The following UPF2 variants were observed in gnomAD, a reference collection of about 807,000 sequenced individuals.
UPF2 encodes UPF2 regulator of nonsense mediated mRNA decay, also known as regulator of nonsense transcripts 2.
A neutral mutation model predicts 141.4 loss-of-function variants in UPF2; 17 were observed. That is an observed-to-expected ratio of 0.12 (90% CI 0.08 to 0.18). The LOEUF is 0.18. UPF2 is among the 10% of genes least tolerant of loss of function. UPF2 has a pLI of 1.00. For synonymous variants in UPF2, 540 were observed against 498.0 expected (o/e 1.08, Z -1.12); for missense variants, 1,152 against 1,515.9 (o/e 0.76, Z 3.99).
At chr10:12,038,715 G>A (rs559594654) in intron 1 of UPF2, among the ~76,000 whole-genome samples, 7 of 151,802 alleles carry the variant, frequency 4.6e-5, no homozygotes, top group African/African-American at 7.3e-5. Context: ...GGCAAAAGAC[G>A]GAGACTCCGT....
chr10:11,942,568 G>A, intron 18 of UPF2, 97 bp downstream of exon 18: 1 of 1,060,586 alleles, frequency 9.4e-7, no homozygotes, highest in Non-Finnish European at 1.4e-6. Context: ...CTGCAGAAGA[G>A]ACACTTAGAT....
At position 11,955,247 on chromosome 10, in the gene UPF2, G is replaced by A; in HGVS notation, c.2835C>T (p.Phe945=). 8 of 1,589,464 alleles carry A rather than the reference G, an allele frequency of 5.0e-6. No homozygotes were observed. The highest frequency in any genetic ancestry group is 6.9e-6 in the Non-Finnish European group (8 of 1,165,896). ...GCTTATATACCTGAAAATATACAAG[G>A]AAACAATCAAGTTTTCGTTTACTGG... ...RGSSKRKLDC[F]LVYFQRYVWW... is the part of the protein sequence containing the mutation. The change falls in exon 14 of 22, where the codon TTC becomes TTT. Residue 945 remains phenylalanine (F), a synonymous_variant. Coordinates refer to ENST00000357604, the MANE Select transcript of UPF2 (RefSeq NM_015542.4).
intron 21 of UPF2, among the ~76,000 whole-genome samples, chr10:11,926,700 A>T (rs1264525534): frequency 9.6e-6 from 1 of 104,146 alleles, no homozygotes; most frequent in Non-Finnish European, 2.1e-5. Flanking sequence ...AGGTGACAGG[A>T]GTCAATAATG....
At chr10:11,982,028 C>A (rs936510257) in intron 8 of UPF2, among the ~76,000 whole-genome samples, 1 of 86,452 alleles carries the variant, frequency 1.2e-5, no homozygotes, top group Non-Finnish European at 2.4e-5. Flanking sequence ...CCCTACTGTT[C>A]CTACTATTAA....
intron 7 of UPF2, among the ~76,000 whole-genome samples, 189 bp from the exon 8 acceptor site, chr10:11,997,946 A>G (rs1486186433): frequency 6.6e-6 from 1 of 152,230 alleles, no homozygotes; most frequent in Non-Finnish European, 1.5e-5. Context: ...CCAAGAGCCA[A>G]GAAAATTACT....
chr10:11,996,651 T>C (rs1283094135), intron 8 of UPF2, among the ~76,000 whole-genome samples: 1 of 152,242 alleles, frequency 6.6e-6, no homozygotes, highest in Non-Finnish European at 1.5e-5. Context: ...GCCTGAAGTA[T>C]GTAATTTTAC....
rs1423947947 is a variant in UPF2 at position 11,992,004 on chromosome 10, GGC to G, written c.1844+5666_1844+5667del. The stretch of plus-strand genomic sequence containing the variant: ...CTACTAAAAATACAAAAATTAGCTG[GGC>G]GTGGTGGCGGGCGCCTGTAATCCCA... On this transcript the variant is annotated intron_variant, in intron 8 of 21. Transcript: ENST00000357604. This position sits in a 1 kb window ranked among gnomAD's most constrained non-coding sequence, Gnocchi z 4.1. 1.4e-5 allele frequency among the ~76,000 whole-genome samples: 2 copies of G among 142,266 alleles called. No homozygotes were observed. The highest frequency in any genetic ancestry group is 1.6e-5 in the Non-Finnish European group (1 of 61,856). The allele number at this position is 142,266 out of a possible 152,430, so 93.3% of individuals were successfully genotyped here. A position where few individuals can be genotyped will look rare whatever the true frequency, so the allele number is the denominator to read the frequency against.
chr10:11,923,902 T>C (rs895020995), intron 21 of UPF2, among the ~76,000 whole-genome samples: 1 of 152,070 alleles, frequency 6.6e-6, no homozygotes, highest in African/African-American at 2.4e-5. Flanking sequence ...TAAAAAATAA[T>C]AATAAAAGAA....
At chr10:12,042,873 C>T (rs1834765319), upstream of UPF2, 1 of 152,124 alleles carries the variant, frequency 6.6e-6, no homozygotes, top group Non-Finnish European at 1.5e-5. The surrounding 1 kb of genome is among the most constrained non-coding windows in gnomAD (Gnocchi z 5.5). Context: ...CTCAGCTCCC[C>T]CTCCTCCCTC....
Position 11,956,362 on chromosome 10 carries a change from G to T in UPF2, c.2532C>A (p.His844Gln), listed in dbSNP as rs200041297. The T allele has an allele frequency of 9.0e-5, 145 of 1,613,952 alleles. No individual in the cohort carries two copies. The highest frequency in any genetic ancestry group is 4.9e-4 in the Middle Eastern group (3 of 6,084). Reference protein sequence around the residue: ...LVLYQEDVGIHVVDGVLEDIR... With the variant: ...LVLYQEDVGIQVVDGVLEDIR... ...TATCTTCTAACACTCCATCCACAAC[G>T]TGGATCCCAACATCCTCTTGGTAGA... Residue 844 changes from histidine (H) to glutamine (Q), a missense_variant, in exon 13 of 22, where the codon CAC becomes CAA. This residue lies in a region of UPF2 where 739 missense variants were observed against 1,032.2 expected (regional missense o/e 0.72). Coordinates refer to ENST00000357604, the MANE Select transcript of UPF2 (RefSeq NM_015542.4). This position sits in a 1 kb window ranked among gnomAD's most constrained non-coding sequence, Gnocchi z 4.2.
At chr10:11,933,479 T>C (rs1231775895) in intron 19 of UPF2, among the ~76,000 whole-genome samples, 7 of 152,182 alleles carry the variant, frequency 4.6e-5, no homozygotes, top group Non-Finnish European at 1.0e-4. Flanking sequence ...AGTAATAATA[T>C]ATCCTTAAAA....
chr10:11,987,821 T>A (rs1352198322), intron 8 of UPF2, among the ~76,000 whole-genome samples: 1 of 148,740 alleles, frequency 6.7e-6, no homozygotes, highest in Admixed American at 6.7e-5. Context: ...TGTTTTGAGA[T>A]TTTTTTTCAT....
intron 9 of UPF2, among the ~76,000 whole-genome samples, chr10:11,978,814 T>C (rs949387432): frequency 2.0e-5 from 3 of 152,132 alleles, no homozygotes; most frequent in African/African-American, 7.2e-5. Flanking sequence ...AAGCAAAAAG[T>C]GCTGTTCCCG....
intron 9 of UPF2, among the ~76,000 whole-genome samples, chr10:11,977,102 CA>C (rs1174074792): frequency 6.6e-6 from 1 of 152,050 alleles, no homozygotes; most frequent in Non-Finnish European, 1.5e-5. Context: ...TGGTCTCTGC[CA>C]GGGTGCTGCT....
Position 11,973,854 on chromosome 10 carries a change from T to A in UPF2, c.1953+5203A>T, listed in dbSNP as rs1024665694. 2.3e-4 allele frequency among the ~76,000 whole-genome samples: 35 copies of A among 152,288 alleles called. No individual in the cohort carries two copies. The South Asian group carries it at 6.2e-3, about 27-fold the overall frequency. ...ACTTTGTTCTTTTTGCTTAGGATTG[T>A]CTTGGCAATGCGGGCTCTTTTTTGG... On this transcript the variant is annotated intron_variant, in intron 9 of 21. Transcript: ENST00000357604.
chr10:12,019,554 T>C lies in UPF2; in HGVS notation c.1146-5370A>G, dbSNP rs1834281196. 6.6e-6 allele frequency among the ~76,000 whole-genome samples: 1 copy of C among 152,244 alleles called. No individual in the cohort carries two copies. On this transcript the variant is annotated intron_variant, in intron 3 of 21. Coordinates refer to ENST00000357604, the MANE Select transcript of UPF2 (RefSeq NM_015542.4). This position sits in a 1 kb window ranked among gnomAD's most constrained non-coding sequence, Gnocchi z 4.5. Reference sequence around the variant, plus strand: ...TATCATTGCACACTAGAGAGGTACTTGTCCCCTTTTACAGATATAAACAGT... The same window carrying C: ...TATCATTGCACACTAGAGAGGTACTCGTCCCCTTTTACAGATATAAACAGT...
Position 11,936,728 on chromosome 10 carries a change from A to C in UPF2, c.3379-16T>G, listed in dbSNP as rs1832856080. On this transcript the variant is annotated splice_polypyrimidine_tract_variant and intron_variant, in intron 18 of 21. Coordinates refer to ENST00000357604, the MANE Select transcript of UPF2 (RefSeq NM_015542.4). The surrounding 1 kb of genome is among the most constrained non-coding windows in gnomAD (Gnocchi z 6.6). ...CACTTCGTTGCTAAAAGAAATTAAA[A>C]AGGACATAATAAACACTCCAAGATA... 1.3e-6 allele frequency: 2 copies of C among 1,599,502 alleles called. No individual in the cohort carries two copies. Among genetic ancestry groups the C allele is most frequent in the African/African-American group, 2.7e-5 (2 of 74,342 alleles).
intron 16 of UPF2, among the ~76,000 whole-genome samples, chr10:11,945,444 G>A (rs1453365385): frequency 6.6e-6 from 1 of 152,142 alleles, no homozygotes; most frequent in Admixed American, 6.5e-5. Flanking sequence ...GGCGGTCATA[G>A]GAAACTGGTC....
At chr10:11,948,282 T>C in intron 16 of UPF2, 87 bp downstream of exon 16, 1 of 1,111,582 alleles carries the variant, frequency 9.0e-7, no homozygotes, top group Non-Finnish European at 1.2e-6. Context: ...CAGGAGGAGG[T>C]CTTATGTATT....
Sources: allele counts gnomAD v4.1 joint callset (sites outside exome capture counted in the v4.1 genomes callset), GRCh38; gene constraint gnomAD v4.1.1; regional missense constraint gnomAD v4.1.1; non-coding constraint Gnocchi (gnomAD v3.1); transcripts MANE v1.5; gene names NCBI Gene and HGNC (gene_info 2026-07-23, HGNC 2026-07-21).